Variants in ARHGAP22 observed in about 807,000 individuals in gnomAD.
The protein encoded by ARHGAP22 is Rho GTPase activating protein 22, also known as rho GTPase-activating protein 22.
In ARHGAP22, 48 loss-of-function variants were observed where a neutral mutation model predicts 59.1. That is an observed-to-expected ratio of 0.81 (90% confidence interval 0.64 to 1.03). The LOEUF (loss-of-function observed/expected upper bound fraction) is 1.03, where lower values mean the gene tolerates loss of function less well. ARHGAP22 is among the 50% of genes least tolerant of loss of function. The probability of loss-of-function intolerance (pLI) is 0.00; values close to 1 mark genes in which losing one functional copy is unlikely to be tolerated. For synonymous variants in ARHGAP22, 445 were observed against 416.4 expected, an observed-to-expected ratio of 1.07 and a Z score of -0.84; for missense variants, 1,015 against 958.7, an observed-to-expected ratio of 1.06 and a Z score of -0.78.
At chr10:48,500,532 T>A (rs974809171) in intron 3 of ARHGAP22, among the ~76,000 whole-genome samples, 2 of 151,814 alleles carry the variant, frequency 1.3e-5, no homozygotes, top group Non-Finnish European at 2.9e-5. Flanking sequence ...GAGAGCCACA[T>A]GAGGAAAAAT....
At chr10:48,513,296 C>T (rs572764160) in intron 3 of ARHGAP22, among the ~76,000 whole-genome samples, 43 of 152,338 alleles carry the variant, frequency 2.8e-4, no homozygotes, top group African/African-American at 1.0e-3. Context: ...CCATGATATA[C>T]TCCTAGAGAT....
intron 2 of ARHGAP22, among the ~76,000 whole-genome samples, chr10:48,580,837 G>A (rs10857605): frequency 0.41 from 61,504 of 151,154 alleles, 13,355 homozygotes; most frequent in Non-Finnish European, 0.49. Context: ...GCTAGGATTT[G>A]TATCCAGTTA....
At chr10:48,527,179 G>A (rs2054400219) in intron 3 of ARHGAP22, among the ~76,000 whole-genome samples, 1 of 152,224 alleles carries the variant, frequency 6.6e-6, no homozygotes, top group Admixed American at 6.5e-5. Flanking sequence ...ATGGATGGGT[G>A]GATGAATGGA....
chr10:48,489,645 T>G (rs927565173), intron 3 of ARHGAP22, among the ~76,000 whole-genome samples: 2 of 152,196 alleles, frequency 1.3e-5, no homozygotes, highest in Admixed American at 6.5e-5. Context: ...TCACAGTTTC[T>G]GGTTTTTCCT....
At chr10:48,539,184 A>T (rs964417561) in intron 3 of ARHGAP22, among the ~76,000 whole-genome samples, 1 of 152,174 alleles carries the variant, frequency 6.6e-6, no homozygotes, top group Non-Finnish European at 1.5e-5. Flanking sequence ...GTAGATTTTC[A>T]TTCCAAATAT....
In ARHGAP22 at chr10:48,477,306, A is replaced by G. The variant is rs879432699; in HGVS notation, c.451+2330T>C. ...TTTGTTTGTTTGGGTTTAGTTCCAC[A>G]TTGTTTTTAAGATTCATGCATGTAG... On this transcript the variant is annotated intron_variant, in intron 4 of 9. Transcript: ENST00000249601. Among the ~76,000 whole-genome samples, 3 of 152,200 alleles carry G rather than the reference A, an allele frequency of 2.0e-5. No homozygotes were observed. In the East Asian group the frequency reaches 5.8e-4, roughly 29 times the overall value.
chr10:48,482,539 T>C (rs2049428568), intron 3 of ARHGAP22, among the ~76,000 whole-genome samples: 1 of 152,268 alleles, frequency 6.6e-6, no homozygotes, highest in Admixed American at 6.5e-5. Flanking sequence ...CTGTATCTTA[T>C]GACAAAAGCA....
intron 1 of ARHGAP22, among the ~76,000 whole-genome samples, chr10:48,617,185 A>G: frequency 6.6e-6 from 1 of 152,020 alleles, no homozygotes; most frequent in Non-Finnish European, 1.5e-5. Flanking sequence ...TCAACACTGG[A>G]CCACTCAGAT....
At chr10:48,647,591 G>A (rs1284485930) in intron 1 of ARHGAP22, among the ~76,000 whole-genome samples, 3 of 151,788 alleles carry the variant, frequency 2.0e-5, no homozygotes, top group East Asian at 1.9e-4. Flanking sequence ...TTATGTATGA[G>A]GTGGGATTGT....
chr10:48,466,798 G>A (rs1564707340), intron 4 of ARHGAP22: 1 of 152,120 alleles, frequency 6.6e-6, no homozygotes, highest in Non-Finnish European at 1.5e-5. Flanking sequence ...GGCGAGGGAA[G>A]GCCCAGGATC....
At chr10:48,609,976 G>A (rs1228330578), upstream of ARHGAP22, among the ~76,000 whole-genome samples, 1 of 152,210 alleles carries the variant, frequency 6.6e-6, no homozygotes, top group African/African-American at 2.4e-5. Context: ...TGCTTGTACT[G>A]TAAGCCTGTC....
At chr10:48,443,176 C>T (rs1241128503), downstream of ARHGAP22, among the ~76,000 whole-genome samples, 1 of 152,178 alleles carries the variant, frequency 6.6e-6, no homozygotes, top group African/African-American at 2.4e-5. Context: ...CAGCTCTCTC[C>T]CTGTCATTTG....
At chr10:48,599,687 G>T (rs2060269150) in intron 1 of ARHGAP22, among the ~76,000 whole-genome samples, 1 of 152,178 alleles carries the variant, frequency 6.6e-6, no homozygotes, top group Non-Finnish European at 1.5e-5. Context: ...AACTCCACAG[G>T]GTGCCCACTG....
chr10:48,450,479 C>G lies in ARHGAP22; in HGVS notation c.1650G>C (p.Glu550Asp), dbSNP rs549123585. ...RSSLHTDWALEPSPLPSSSED... is the reference protein window; with the variant it reads ...RSSLHTDWALDPSPLPSSSED... The stretch of plus-strand genomic sequence containing the variant: ...CGCTGCTGCTGGGGAGCGGGGAGGG[C>G]TCCAGGGCCCAGTCGGTGTGCAGGG... The change falls in exon 9 of 10, where the codon GAG becomes GAC. Residue 550 changes from glutamate to aspartate, a missense_variant. By Grantham distance (45) the Glu-to-Asp change is conservative (BLOSUM62 2). Transcript: ENST00000249601. The G allele has an allele frequency of 6.8e-5, 104 of 1,537,622 alleles. No individual in the cohort carries two copies. In the South Asian group the frequency reaches 1.2e-3, roughly 17 times the overall value.
chr10:48,593,188 C>T (rs538541133), intron 1 of ARHGAP22, among the ~76,000 whole-genome samples: 77 of 152,294 alleles, frequency 5.1e-4, no homozygotes, highest in Middle Eastern at 3.4e-3. Context: ...ACTTTTTCAA[C>T]GACACCTCTC....
At chr10:48,514,013 C>T (rs1003382836) in intron 3 of ARHGAP22, among the ~76,000 whole-genome samples, 1 of 151,854 alleles carries the variant, frequency 6.6e-6, no homozygotes. Context: ...AACTGAAATA[C>T]ATAAATCACT....
upstream of ARHGAP22, among the ~76,000 whole-genome samples, chr10:48,607,445 C>G (rs2060718915): frequency 6.6e-6 from 1 of 152,152 alleles, no homozygotes; most frequent in South Asian, 2.1e-4. Flanking sequence ...GCTCTCAGTA[C>G]TTCCTGAGAT....
At chr10:48,551,855 T>C (rs2056919220) in intron 3 of ARHGAP22, among the ~76,000 whole-genome samples, 1 of 152,216 alleles carries the variant, frequency 6.6e-6, no homozygotes, top group Non-Finnish European at 1.5e-5. Context: ...AATGCTAGAA[T>C]CTGTAGGAGG....
chr10:48,592,354 G>T (rs951896689), intron 1 of ARHGAP22, among the ~76,000 whole-genome samples: 1 of 152,092 alleles, frequency 6.6e-6, no homozygotes, highest in African/African-American at 2.4e-5. Flanking sequence ...CCCAACATCC[G>T]TCCCACCAGA....
Sources: allele counts gnomAD v4.1 joint callset (sites outside exome capture counted in the v4.1 genomes callset), GRCh38; gene constraint gnomAD v4.1.1; transcripts MANE v1.5; gene names NCBI Gene and HGNC (gene_info 2026-07-23, HGNC 2026-07-21).